Variants in DPYS observed in about 807,000 individuals in gnomAD.
DPYS encodes dihydropyrimidine amidohydrolase.
Under a neutral mutation model 50.3 loss-of-function variants are expected in DPYS, and 39 were observed. The observed-to-expected ratio is 0.78, with a 90% confidence interval of 0.60 to 1.01. The LOEUF is 1.01. Ranked by LOEUF, DPYS falls within the 50% of genes least tolerant of loss-of-function variation. The pLI is 0.00. For synonymous variants in DPYS, 245 were observed against 250.7 expected, an observed-to-expected ratio of 0.98 and a Z score of 0.22; for missense variants, 659 against 680.9, an observed-to-expected ratio of 0.97 and a Z score of 0.36.
chr8:104,447,073 C>G (rs139244735), intron 3 of DPYS, among the ~76,000 whole-genome samples: 235 of 152,226 alleles, frequency 1.5e-3, no homozygotes, highest in African/African-American at 5.2e-3. Flanking sequence ...GATCTAAGAG[C>G]TGGTTTGCAA....
chr8:104,423,245 G>A (rs1023478932), intron 7 of DPYS, among the ~76,000 whole-genome samples: 2 of 152,094 alleles, frequency 1.3e-5, no homozygotes, highest in Admixed American at 1.3e-4. Context: ...CTATGACTAC[G>A]GCCTGCCAAC....
chr8:104,462,430 T>C (rs1367710702), intron 1 of DPYS, among the ~76,000 whole-genome samples: 1 of 152,228 alleles, frequency 6.6e-6, no homozygotes, highest in Non-Finnish European at 1.5e-5. Context: ...CACACTGCCT[T>C]GTAAGTAATC....
At chr8:104,464,476 G>A (rs1814281642) in intron 1 of DPYS, among the ~76,000 whole-genome samples, 2 of 152,344 alleles carry the variant, frequency 1.3e-5, no homozygotes, top group East Asian at 3.9e-4. Flanking sequence ...AGCTGTAAGA[G>A]GGAGAATGAT....
chr8:104,433,248 A>G (rs1813014245), intron 4 of DPYS, among the ~76,000 whole-genome samples: 1 of 152,218 alleles, frequency 6.6e-6, no homozygotes, highest in Non-Finnish European at 1.5e-5. Context: ...AGTCTGTGGC[A>G]CTTTGCAACG....
intron 4 of DPYS, among the ~76,000 whole-genome samples, chr8:104,442,316 A>C (rs1425555846): frequency 6.6e-6 from 1 of 152,234 alleles, no homozygotes; most frequent in East Asian, 1.9e-4. Flanking sequence ...AATGCAAAAC[A>C]AATACCCAAG....
chr8:104,464,284 G>C (rs938850224), intron 1 of DPYS, among the ~76,000 whole-genome samples: 4 of 152,162 alleles, frequency 2.6e-5, no homozygotes, highest in Admixed American at 6.5e-5. Flanking sequence ...CTCTGAACTA[G>C]AGAATCCCAG....
intron 4 of DPYS, among the ~76,000 whole-genome samples, chr8:104,436,928 C>T (rs1455858373): frequency 6.6e-6 from 1 of 151,444 alleles, no homozygotes; most frequent in East Asian, 1.9e-4. Flanking sequence ...AATACGGAAC[C>T]ATGGAAAAAA....
At chr8:104,460,567 T>G (rs1042758139) in intron 1 of DPYS, among the ~76,000 whole-genome samples, 3 of 152,090 alleles carry the variant, frequency 2.0e-5, no homozygotes, top group Admixed American at 2.0e-4. Flanking sequence ...AACAGACTAA[T>G]AGAGACATTG....
At position 104,444,403 on chromosome 8, in the gene DPYS, C is replaced by A; in HGVS notation, c.638G>T (p.Gly213Val). 2 of 1,614,218 alleles carry A rather than the reference C, an allele frequency of 1.2e-6. No individual in the cohort carries two copies. The highest frequency in any genetic ancestry group is 1.7e-6 in the Non-Finnish European group (2 of 1,180,044). ...GCGGCACAGCTCGTGGCCCTCAGGG[C>A]CTGTTATCCCCAGAGCCAACATCTT... is the stretch of plus-strand genomic sequence containing the variant. ...AKKMLALGIT[G>V]PEGHELCRPE... Residue 213 changes from glycine to valine, a missense_variant, in exon 4 of 10, where the codon GGC becomes GTC. Gly to Val is a moderately radical substitution (Grantham distance 109). Transcript: ENST00000351513.
chr8:104,465,780 A>G (rs1224251087), intron 1 of DPYS, among the ~76,000 whole-genome samples: 1 of 152,204 alleles, frequency 6.6e-6, no homozygotes, highest in East Asian at 1.9e-4. Flanking sequence ...CAGGTTGGAC[A>G]AGTTTGGTTT....
intron 8 of DPYS, among the ~76,000 whole-genome samples, chr8:104,381,852 T>TCACACACACACACA (rs59581374): frequency 0.081 from 10,037 of 123,778 alleles, 541 homozygotes; most frequent in Non-Finnish European, 0.11. Context: ...AGTTTTGAAA[T>TCACACACACACACA]CACACACACA....
chr8:104,458,041 G>A (rs2140761224), intron 1 of DPYS, among the ~76,000 whole-genome samples: 1 of 152,272 alleles, frequency 6.6e-6, no homozygotes, highest in East Asian at 1.9e-4. Flanking sequence ...AATGAGAAGG[G>A]AGGGAAAACA....
At chr8:104,392,099 C>G (rs1179418926) in intron 8 of DPYS, among the ~76,000 whole-genome samples, 3 of 152,192 alleles carry the variant, frequency 2.0e-5, no homozygotes, top group Non-Finnish European at 2.9e-5. Context: ...AAAACTCCAC[C>G]ATTGCTCTGG....
chr8:104,449,090 A>G (rs1014264240), intron 2 of DPYS, among the ~76,000 whole-genome samples: 4 of 152,228 alleles, frequency 2.6e-5, no homozygotes, highest in African/African-American at 9.7e-5. Flanking sequence ...CAAAATATTG[A>G]GAGTGGACAA....
chr8:104,418,910 G>T, intron 7 of DPYS: 1 of 612,576 alleles, frequency 1.6e-6, no homozygotes. Context: ...TGTGGCTGTT[G>T]TATAAGCTTG....
rs1564120805 is a variant in DPYS at position 104,466,958 on chromosome 8, C to A, written c.-38G>T. The A allele has an allele frequency of 2.2e-6, 3 of 1,379,314 alleles. No individual in the cohort carries two copies. The highest frequency in any genetic ancestry group is 1.6e-5 in the South Asian group (1 of 63,310). The allele number at this position is 1,379,314 out of a possible 1,614,324, so 85.4% of individuals were successfully genotyped here. A position where few individuals can be genotyped will look rare whatever the true frequency, so the allele number is the denominator to read the frequency against. On this transcript the variant is annotated 5_prime_UTR_variant, in exon 1 of 10. Coordinates refer to ENST00000351513, the MANE Select transcript of DPYS (RefSeq NM_001385.3). ...GCGGGGTCCTACTCGGCCCGGGCTG[C>A]GCGCAGGGGCTGGGTTGGGCGGGCC...
intron 7 of DPYS, chr8:104,423,915 A>C: frequency 1.1e-6 from 1 of 903,628 alleles, no homozygotes; most frequent in Non-Finnish European, 1.3e-6. Context: ...ACCCTTTTCA[A>C]ACTAAGCCTT....
intron 7 of DPYS, among the ~76,000 whole-genome samples, chr8:104,416,620 T>C (rs1405853798): frequency 6.6e-6 from 1 of 152,092 alleles, no homozygotes; most frequent in African/African-American, 2.4e-5. Context: ...TCAACTGTTA[T>C]GAGCAGGAAC....
chr8:104,422,510 A>G (rs1321533455), intron 7 of DPYS, among the ~76,000 whole-genome samples: 3 of 152,198 alleles, frequency 2.0e-5, no homozygotes, highest in East Asian at 1.9e-4. Context: ...TCTCATTGTC[A>G]TAAGGTAATC....
Sources: gnomAD v4.1 joint callset for allele counts (sites outside exome capture counted in the v4.1 genomes callset) on GRCh38, gnomAD v4.1.1 for gene constraint, MANE v1.5 for transcripts, NCBI Gene and HGNC (gene_info 2026-07-23, HGNC 2026-07-21) for gene names.